The following CYRIB variants were observed in gnomAD, a reference collection of about 807,000 sequenced individuals.
CYRIB encodes the protein CYFIP-related Rac1 interactor B.
In CYRIB, 8 loss-of-function variants were observed where a neutral mutation model predicts 44.2. That is an observed-to-expected ratio of 0.18 (90% CI 0.11 to 0.33). CYRIB has a LOEUF of 0.33. Ranked by LOEUF, CYRIB falls within the 10% of genes least tolerant of loss-of-function variation. The pLI is 1.00. For missense variants in CYRIB, 185 were observed against 382.8 expected, an observed-to-expected ratio of 0.48 and a Z score of 4.31; for synonymous variants, 131 against 127.2, an observed-to-expected ratio of 1.03 and a Z score of -0.20.
chr8:130,016,340 C>A (rs1256550685), intron 1 of CYRIB, 30 bp downstream of exon 1: 3 of 147,996 alleles, frequency 2.0e-5, no homozygotes, highest in Non-Finnish European at 4.5e-5. Context: ...GCCGGCCGGG[C>A]GGCGGCGCCT....
At chr8:129,881,713 T>G (rs1239269718) in intron 2 of CYRIB, among the ~76,000 whole-genome samples, 3 of 152,246 alleles carry the variant, frequency 2.0e-5, no homozygotes, top group African/African-American at 7.2e-5. Flanking sequence ...GGTGGAGATC[T>G]ATCTTCTTCT....
At chr8:129,906,695 T>C (rs899773626) in intron 1 of CYRIB, among the ~76,000 whole-genome samples, 1 of 152,090 alleles carries the variant, frequency 6.6e-6, no homozygotes, top group Admixed American at 6.6e-5. Context: ...ATTTTTGCAA[T>C]CTACTCATCT....
intron 1 of CYRIB, among the ~76,000 whole-genome samples, chr8:129,978,744 G>A (rs1283579895): frequency 6.6e-6 from 1 of 152,180 alleles, no homozygotes; most frequent in Non-Finnish European, 1.5e-5. Flanking sequence ...CACATTCCCA[G>A]GTGTTTAATT....
intron 1 of CYRIB, among the ~76,000 whole-genome samples, chr8:129,973,157 C>T (rs928866975): frequency 4.6e-5 from 7 of 152,150 alleles, no homozygotes; most frequent in African/African-American, 1.7e-4. Context: ...GATGAACGCT[C>T]TGAAGGAAAG....
At chr8:129,852,219 A>T in exon 8 of CYRIB, 1 of 1,570,430 alleles carries the variant, frequency 6.4e-7, no homozygotes, top group Non-Finnish European at 8.6e-7. Context: ...GAGTTGCCTC[A>T]GCATAAAACA....
At chr8:129,869,979 G>GA (rs1191692897) in intron 4 of CYRIB, among the ~76,000 whole-genome samples, 1 of 151,198 alleles carries the variant, frequency 6.6e-6, no homozygotes. Context: ...ATGGGGGGGT[G>GA]GGGGGAGGGG....
rs369349917 is a variant in CYRIB at position 129,846,789 on chromosome 8, C to T, written c.911+15G>A. 2.9e-4 allele frequency: 447 copies of T among 1,564,468 alleles called. No individual in the cohort carries two copies. The highest frequency in any genetic ancestry group is 3.5e-4 in the Non-Finnish European group (407 of 1,156,106). ...CAGATTTTTTCTGTACATACGTACA[C>T]GTACATATACACACCTGAGAGCATT... On this transcript the variant is annotated intron_variant, in intron 11 of 11. Coordinates refer to ENST00000519824, the Ensembl canonical transcript of CYRIB.
At chr8:129,875,966 T>C (rs2058971632) in intron 3 of CYRIB, among the ~76,000 whole-genome samples, 1 of 151,806 alleles carries the variant, frequency 6.6e-6, no homozygotes, top group South Asian at 2.1e-4. Context: ...ATAAAAAAAT[T>C]AGCTGGGTGT....
At chr8:129,928,323 A>AG (rs1409903947) in intron 1 of CYRIB, among the ~76,000 whole-genome samples, 2 of 148,896 alleles carry the variant, frequency 1.3e-5, no homozygotes, top group Admixed American at 6.6e-5. Context: ...CCATCTCTTA[A>AG]GAAAAAAAAA....
chr8:129,848,355 G>A (rs2041440371), intron 10 of CYRIB, among the ~76,000 whole-genome samples: 1 of 152,184 alleles, frequency 6.6e-6, no homozygotes, highest in Admixed American at 6.5e-5. Context: ...CTATGAAAGG[G>A]AAACGGGAAG....
chr8:129,887,093 T>A (rs2063072514), intron 2 of CYRIB, among the ~76,000 whole-genome samples: 2 of 152,102 alleles, frequency 1.3e-5, no homozygotes, highest in Admixed American at 6.5e-5. Flanking sequence ...CTTGAAGGCA[T>A]CTCAGAGACC....
chr8:129,905,201 G>GGATT (rs3077898), intron 1 of CYRIB, among the ~76,000 whole-genome samples: 51,902 of 150,356 alleles, frequency 0.35, 9,454 homozygotes, highest in East Asian at 0.46. Context: ...CACCCAGGCT[G>GGATT]GATTGATTGA....
chr8:129,900,082 G>A (rs888568717), intron 2 of CYRIB, among the ~76,000 whole-genome samples: 2 of 152,156 alleles, frequency 1.3e-5, no homozygotes, highest in Non-Finnish European at 2.9e-5. Flanking sequence ...TAGAAAATCT[G>A]AGCCCAGACT....
At chr8:129,855,219 C>T (rs1375897583) in intron 6 of CYRIB, among the ~76,000 whole-genome samples, 9 of 151,860 alleles carry the variant, frequency 5.9e-5, no homozygotes, top group South Asian at 2.1e-4. Context: ...GGTGAAACCC[C>T]GTCTCTACTA....
chr8:129,923,189 G>A (rs1409796534), intron 1 of CYRIB, among the ~76,000 whole-genome samples: 5 of 150,244 alleles, frequency 3.3e-5, no homozygotes, highest in Non-Finnish European at 5.9e-5. Flanking sequence ...GTTGTGGTGA[G>A]CCGATATCGC....
chr8:129,897,996 C>G (rs757595816), intron 2 of CYRIB, among the ~76,000 whole-genome samples: 12 of 151,968 alleles, frequency 7.9e-5, no homozygotes, highest in Non-Finnish European at 1.5e-4. Flanking sequence ...GAGCTCCTGA[C>G]CAGGTGATCC....
rs147807557 is a variant in CYRIB, at chr8:129,883,067, C to A, written c.-10-3596G>T. Among the ~76,000 whole-genome samples the A allele has an allele frequency of 5.1e-4, 69 of 134,658 alleles. No individual in the cohort carries two copies. In the South Asian group the frequency reaches 0.012, roughly 23 times the overall value. 88.3% of individuals were successfully genotyped at this position (134,658 alleles called of 152,430 possible). Reference sequence around the variant, plus strand: ...CGGCAGTTGTAGGGAGCCAAGATCACGCCACTGCACACTCCAGCCTAGGCA... The same window carrying A: ...CGGCAGTTGTAGGGAGCCAAGATCAAGCCACTGCACACTCCAGCCTAGGCA... On this transcript the variant is annotated intron_variant, in intron 2 of 11. Transcript: ENST00000519824.
At chr8:129,963,175 C>G (rs1294336967) in intron 2 of CYRIB, among the ~76,000 whole-genome samples, 1 of 152,144 alleles carries the variant, frequency 6.6e-6, no homozygotes, top group Non-Finnish European at 1.5e-5. Flanking sequence ...AGGGAGGCAG[C>G]GTTAAAGATG....
intron 2 of CYRIB, among the ~76,000 whole-genome samples, chr8:129,945,188 G>T (rs2131058766): frequency 6.6e-6 from 1 of 152,334 alleles, no homozygotes; most frequent in South Asian, 2.1e-4. Flanking sequence ...TCATCCATGG[G>T]GAGCCTGAGG....
Sources: gnomAD v4.1 joint callset for allele counts (sites outside exome capture counted in the v4.1 genomes callset) on GRCh38, gnomAD v4.1.1 for gene constraint, MANE v1.5 for transcripts, NCBI Gene and HGNC (gene_info 2026-07-23, HGNC 2026-07-21) for gene names.